The following XIAP variants were observed in gnomAD, a reference collection of about 807,000 sequenced individuals.
XIAP encodes the protein X-linked inhibitor of apoptosis.
In XIAP, 3 loss-of-function variants were observed where a neutral mutation model predicts 33.1. The observed-to-expected ratio is 0.09, with a 90% CI of 0.04 to 0.23. XIAP has a LOEUF of 0.23. Among genes scored for constraint, XIAP ranks in the 10% least tolerant of loss-of-function variants. The probability of loss-of-function intolerance (pLI) is 1.00; values close to 1 mark genes in which losing one functional copy is unlikely to be tolerated. For synonymous variants in XIAP, 98 were observed against 121.3 expected, an observed-to-expected ratio of 0.81 and a Z score of 1.26; for missense variants, 264 against 363.0, an observed-to-expected ratio of 0.73 and a Z score of 2.22.
rs1437739959 is a variant in XIAP at position 123,910,124 on chromosome X, G to T, written c.*2943G>T. On this transcript the variant is annotated 3_prime_UTR_variant, in exon 7 of 7. Coordinates refer to ENST00000371199, the MANE Select transcript of XIAP (RefSeq NM_001167.4). ...ATCTTTATTTGTAATAATTTAGTCT[G>T]CTGATCAAAAGCATTGTCTTAATTT... 3.1e-6 allele frequency: 1 copy of T among 325,278 alleles called. No homozygotes were observed. Among genetic ancestry groups the T allele is most frequent in the Non-Finnish European group, 6.0e-6 (1 of 167,871 alleles). 26.8% of individuals were successfully genotyped at this position (325,278 alleles called of 1,213,427 possible).
rs1331433414 is a variant in XIAP at position 123,909,605 on chromosome X, T to C, written c.*2424T>C. 1 of 327,376 alleles carries C rather than the reference T, an allele frequency of 3.1e-6. No individual in the cohort carries two copies. Among genetic ancestry groups the C allele is most frequent in the Non-Finnish European group, 5.9e-6 (1 of 169,769 alleles). 27.0% of individuals were successfully genotyped at this position (327,376 alleles called of 1,213,427 possible). A position where few individuals can be genotyped will look rare whatever the true frequency, so the allele number is the denominator to read the frequency against. On this transcript the variant is annotated 3_prime_UTR_variant, in exon 7 of 7. Transcript: ENST00000371199. ...TTCAATCTAGTTGTTAGCCAAGGACTCAAGGACTGAATTGTTTTAACATAA... is the reference window on the plus strand; with the variant it reads ...TTCAATCTAGTTGTTAGCCAAGGACCCAAGGACTGAATTGTTTTAACATAA...
At chrX:123,895,235 A>G (rs962090109) in intron 5 of XIAP, among the ~76,000 whole-genome samples, 9 of 111,991 alleles carry the variant, frequency 8.0e-5, no homozygotes, top group African/African-American at 2.3e-4. Flanking sequence ...GAATAATGTA[A>G]TATGTGTCCT....
chrX:123,877,488 A>G (rs1471799165), intron 1 of XIAP, among the ~76,000 whole-genome samples: 1 of 112,598 alleles, frequency 8.9e-6, no homozygotes, highest in Non-Finnish European at 1.9e-5. Context: ...TCAGGAACAT[A>G]GCTTCAAGTG....
At chrX:123,875,083 C>T (rs1193671073) in intron 1 of XIAP, among the ~76,000 whole-genome samples, 12 of 102,565 alleles carry the variant, frequency 1.2e-4, no homozygotes, top group African/African-American at 4.0e-4. Context: ...AGTACGATGG[C>T]ACAATCTCAG....
intron 1 of XIAP, among the ~76,000 whole-genome samples, chrX:123,871,279 GAAA>G (rs10713095): frequency 9.5e-6 from 1 of 105,541 alleles, no homozygotes; most frequent in Admixed American, 1.0e-4. Context: ...ATCTCTTAAA[GAAA>G]AAAAAAAGAA....
rs1267141008 is a variant in XIAP, at chrX:123,911,898, C to CT, written c.*4717_*4718insT. The CT allele has an allele frequency of 1.8e-5, 6 of 326,295 alleles. No individual in the cohort carries two copies. The highest frequency in any genetic ancestry group is 3.2e-5 in the Admixed American group (1 of 31,706). The allele number at this position is 326,295 out of a possible 1,213,427, so 26.9% of individuals were successfully genotyped here. On this transcript the variant is annotated 3_prime_UTR_variant, in exon 7 of 7. Coordinates refer to ENST00000371199, the MANE Select transcript of XIAP (RefSeq NM_001167.4). Reference sequence around the variant, plus strand: ...GCTGGAAGTGACCTTAGAGAGTATCCAGTTCTTTCATTTTACAGGTGAGGC... The same window carrying CT: ...GCTGGAAGTGACCTTAGAGAGTATCCTAGTTCTTTCATTTTACAGGTGAGGC...
chrX:123,891,510 G>C (rs767715207), intron 4 of XIAP, among the ~76,000 whole-genome samples, 194 bp downstream of exon 4: 12 of 111,482 alleles, frequency 1.1e-4, no homozygotes, highest in African/African-American at 3.9e-4. Context: ...AATAATAAAT[G>C]TATGATGGGC....
Position 123,912,062 on chromosome X carries a change from C to T in XIAP, c.*4881C>T, listed in dbSNP as rs1490300475. 1 of 328,756 alleles carries T rather than the reference C, an allele frequency of 3.0e-6. No homozygotes were observed. The highest frequency in any genetic ancestry group is 3.1e-5 in the Admixed American group (1 of 32,103). 27.1% of individuals were successfully genotyped at this position (328,756 alleles called of 1,213,427 possible). A position where few individuals can be genotyped will look rare whatever the true frequency, so the allele number is the denominator to read the frequency against. ...AAGGTCCAAATGTTTATGTTTTCAA[C>T]TACTCTTTCCACTGTACCATAACTT... On this transcript the variant is annotated 3_prime_UTR_variant, in exon 7 of 7. Coordinates refer to ENST00000371199, the MANE Select transcript of XIAP (RefSeq NM_001167.4).
intron 2 of XIAP, among the ~76,000 whole-genome samples, chrX:123,886,757 T>C (rs1045144300): frequency 2.7e-5 from 3 of 111,572 alleles, no homozygotes; most frequent in African/African-American, 9.8e-5. Flanking sequence ...GTCATGCTTC[T>C]CTTCATGTAA....
chrX:123,891,715 G>T (rs2053409798), intron 4 of XIAP, among the ~76,000 whole-genome samples: 1 of 108,844 alleles, frequency 9.2e-6, no homozygotes, highest in Admixed American at 1.0e-4. Flanking sequence ...CAGCTACTTG[G>T]GCGGCTGAGG....
At position 123,909,314 on chromosome X, in the gene XIAP, A is replaced by AGCCACCAC. The variant is rs1240547408; in HGVS notation, c.*2137_*2144dup. 8.5e-5 allele frequency: 28 copies of AGCCACCAC among 327,499 alleles called. No homozygotes were observed. Among genetic ancestry groups the AGCCACCAC allele is most frequent in the Non-Finnish European group, 1.6e-4 (27 of 169,742 alleles). The allele number at this position is 327,499 out of a possible 1,213,427, so 27.0% of individuals were successfully genotyped here. ...CCAAAGTGCTGGGATTACAGGCTTG[A>AGCCACCAC]GCCACCACGCCCGGCTAAAACATTG... On this transcript the variant is annotated 3_prime_UTR_variant, in exon 7 of 7. Transcript: ENST00000371199.
Position 123,913,670 on chromosome X carries a change from T to C in XIAP, c.*6489T>C. The C allele has an allele frequency of 3.1e-6, 1 of 324,671 alleles. No individual in the cohort carries two copies. The highest frequency in any genetic ancestry group is 2.7e-5 in the South Asian group (1 of 36,639). The allele number at this position is 324,671 out of a possible 1,213,427, so 26.8% of individuals were successfully genotyped here. The stretch of plus-strand genomic sequence containing the variant: ...GGATTTAGTAAGAAATTTGCAGTTT[T>C]GGTTTGATGTAACAAGGGTTTTAAT... On this transcript the variant is annotated 3_prime_UTR_variant, in exon 7 of 7. Transcript: ENST00000371199.
chrX:123,859,771 T>G (rs1243521510), upstream of XIAP: 131 of 71,286 alleles, frequency 1.8e-3, no homozygotes, highest in African/African-American at 0.011. Context: ...GGCGGGGGGG[T>G]CGGGTGGGGG....
intron 1 of XIAP, among the ~76,000 whole-genome samples, chrX:123,871,953 T>C (rs1464552153): frequency 1.8e-5 from 2 of 109,535 alleles, no homozygotes; most frequent in Non-Finnish European, 3.8e-5. Flanking sequence ...ATACAAAAAT[T>C]AGCTGGGTAT....
chrX:123,912,463 T>A lies in XIAP; in HGVS notation c.*5282T>A, dbSNP rs1205484392. 5 of 328,267 alleles carry A rather than the reference T, an allele frequency of 1.5e-5. No homozygotes were observed. The highest frequency in any genetic ancestry group is 1.3e-4 in the South Asian group (5 of 38,432). 27.1% of individuals were successfully genotyped at this position (328,267 alleles called of 1,213,427 possible). ...CCAGCCTGGACAAAAGGCAAAACCC[T>A]GTCTCTACAAAAAATACAAAAATTA... On this transcript the variant is annotated 3_prime_UTR_variant, in exon 7 of 7. Coordinates refer to ENST00000371199, the MANE Select transcript of XIAP (RefSeq NM_001167.4).
intron 3 of XIAP, among the ~76,000 whole-genome samples, chrX:123,889,005 G>A (rs1432051195): frequency 1.8e-5 from 2 of 108,596 alleles, no homozygotes; most frequent in Non-Finnish European, 3.8e-5. Context: ...TGCAACCTCT[G>A]CCTCCCAGGT....
At chrX:123,893,586 G>T (rs970467944) in intron 5 of XIAP, among the ~76,000 whole-genome samples, 1 of 111,546 alleles carries the variant, frequency 9.0e-6, no homozygotes, top group Admixed American at 9.6e-5. Context: ...GTCAGAGGCT[G>T]GGTGCAGTGG....
chrX:123,869,852 C>T (rs1192634895), intron 1 of XIAP, among the ~76,000 whole-genome samples: 1 of 112,661 alleles, frequency 8.9e-6, no homozygotes, highest in Non-Finnish European at 1.9e-5. Context: ...AAGCACATTA[C>T]ATATGTTAGT....
rs181764883 is a variant in XIAP at position 123,884,255 on chromosome X, G to A, written c.-32-1376G>A. ...TCCCAGCATTTTGGAAGGCCGAGGCGGGCAGATCACCTGAGGTCAGGAGTT... is the reference window on the plus strand; with the variant it reads ...TCCCAGCATTTTGGAAGGCCGAGGCAGGCAGATCACCTGAGGTCAGGAGTT... On this transcript the variant is annotated intron_variant, in intron 1 of 6. Coordinates refer to ENST00000371199, the MANE Select transcript of XIAP (RefSeq NM_001167.4). 2.2e-3 allele frequency among the ~76,000 whole-genome samples: 248 copies of A among 111,604 alleles called. 1 individual carries two copies. The highest frequency in any genetic ancestry group is 7.9e-3 in the African/African-American group (243 of 30,742).
Sources: gnomAD v4.1 joint callset for allele counts (sites outside exome capture counted in the v4.1 genomes callset) on GRCh38, gnomAD v4.1.1 for gene constraint, MANE v1.5 for transcripts, NCBI Gene and HGNC (gene_info 2026-07-23, HGNC 2026-07-21) for gene names.